Variants in SLC39A11 observed in about 807,000 individuals in gnomAD.
The protein encoded by SLC39A11 is zinc transporter ZIP11.
SLC39A11 carries 33 observed loss-of-function variants against 36.1 expected under a neutral mutation model. The ratio of observed to expected loss-of-function variants is 0.91; its 90% CI spans 0.69 to 1.22. SLC39A11 has a LOEUF of 1.22. Ranked by LOEUF, SLC39A11 falls within the 50% of genes most tolerant of loss-of-function variation. The probability of loss-of-function intolerance (pLI) is 0.00; values close to 1 mark genes in which losing one functional copy is unlikely to be tolerated. For synonymous variants in SLC39A11, 166 were observed against 170.3 expected, an observed-to-expected ratio of 0.97 and a Z score of 0.20; for missense variants, 432 against 430.3, an observed-to-expected ratio of 1.00 and a Z score of -0.03.
intron 5 of SLC39A11, among the ~76,000 whole-genome samples, chr17:72,864,188 G>T (rs988825796): frequency 6.6e-6 from 1 of 152,132 alleles, no homozygotes; most frequent in African/African-American, 2.4e-5. Context: ...ATTACCTGGA[G>T]ATTTAAAATG....
intron 4 of SLC39A11, among the ~76,000 whole-genome samples, chr17:72,984,362 T>C (rs912569834): frequency 2.1e-5 from 3 of 141,106 alleles, no homozygotes; most frequent in African/African-American, 7.8e-5. Flanking sequence ...TAAAGCTTTA[T>C]TGGAACTCAG....
chr17:72,780,639 G>A (rs993122242), intron 6 of SLC39A11, among the ~76,000 whole-genome samples: 2 of 151,806 alleles, frequency 1.3e-5, no homozygotes, highest in Non-Finnish European at 2.9e-5. Context: ...CTGCTCTTTC[G>A]CTTTGCTCTC....
intron 4 of SLC39A11, among the ~76,000 whole-genome samples, chr17:72,956,027 A>C (rs886073401): frequency 6.6e-6 from 1 of 151,990 alleles, no homozygotes; most frequent in African/African-American, 2.4e-5. Context: ...TTCCATCTCC[A>C]TCCTCCTTTC....
At chr17:72,732,557 T>C (rs548469216) in intron 7 of SLC39A11, among the ~76,000 whole-genome samples, 18 of 152,310 alleles carry the variant, frequency 1.2e-4, no homozygotes, top group African/African-American at 4.3e-4. Flanking sequence ...TCGGTTCGGG[T>C]CTGTCTGATG....
intron 7 of SLC39A11, among the ~76,000 whole-genome samples, chr17:72,651,327 C>T (rs1041155090): frequency 7.0e-6 from 1 of 143,610 alleles, no homozygotes; most frequent in African/African-American, 2.7e-5. Flanking sequence ...GTCAAGCCCA[C>T]CCCCCTCCCA....
chr17:73,023,608 G>A (rs908956237), intron 4 of SLC39A11, among the ~76,000 whole-genome samples: 1 of 152,190 alleles, frequency 6.6e-6, no homozygotes, highest in African/African-American at 2.4e-5. Flanking sequence ...TCCTGCCTCA[G>A]CCTCCCAAGT....
At chr17:72,757,034 C>T (rs1243129148) in intron 6 of SLC39A11, among the ~76,000 whole-genome samples, 1 of 150,370 alleles carries the variant, frequency 6.7e-6, no homozygotes, top group Non-Finnish European at 1.5e-5. Context: ...GGCGTGGTAG[C>T]GGGTGCCTGT....
chr17:72,786,675 T>C (rs1006612827), intron 6 of SLC39A11, among the ~76,000 whole-genome samples: 2 of 152,118 alleles, frequency 1.3e-5, no homozygotes, highest in African/African-American at 4.8e-5. Flanking sequence ...TTCTTGCTTC[T>C]GTATGGGCAG....
intron 5 of SLC39A11, among the ~76,000 whole-genome samples, chr17:72,912,123 A>G (rs1355297786): frequency 6.6e-6 from 1 of 152,180 alleles, no homozygotes; most frequent in Non-Finnish European, 1.5e-5. Flanking sequence ...GGAGGTTTGA[A>G]GAGAGCCAGA....
At chr17:72,786,577 C>T (rs1182611479) in intron 6 of SLC39A11, among the ~76,000 whole-genome samples, 2 of 152,062 alleles carry the variant, frequency 1.3e-5, no homozygotes, top group Non-Finnish European at 2.9e-5. Context: ...GCTGATGGAT[C>T]CCGGGGTGTT....
chr17:72,944,507 A>G (rs1328945081), intron 5 of SLC39A11, among the ~76,000 whole-genome samples: 1 of 151,636 alleles, frequency 6.6e-6, no homozygotes, highest in Non-Finnish European at 1.5e-5. Context: ...GTGATGAAAT[A>G]TAACTTATAG....
chr17:72,647,637 C>A lies in SLC39A11; in HGVS notation c.955G>T (p.Ala319Ser), dbSNP rs753018600. The part of the protein sequence containing the change: ...ISGNGKLASW[A>S]SILGFVVMMS... Reference sequence around the variant, plus strand: ...ATCACTACAAATCCCAGGATGGAGGCCCAGGATGCCAGTTTCCCATTACCA... The same window carrying A: ...ATCACTACAAATCCCAGGATGGAGGACCAGGATGCCAGTTTCCCATTACCA... Residue 319 changes from alanine (A) to serine (S), a missense_variant, in exon 10 of 10, where the codon GCC becomes TCC. By Grantham distance (99) the Ala-to-Ser change is moderately conservative (BLOSUM62 1). Coordinates refer to ENST00000255559, the MANE Select transcript of SLC39A11 (RefSeq NM_139177.4). 3.7e-6 allele frequency: 6 copies of A among 1,613,952 alleles called. No individual in the cohort carries two copies. The South Asian group carries it at 4.4e-5, about 12-fold the overall frequency.
chr17:73,026,201 G>GAAGAGAAGAGAAGAGAAGAGAA (rs2058540617), intron 4 of SLC39A11, among the ~76,000 whole-genome samples: 5 of 147,038 alleles, frequency 3.4e-5, no homozygotes, highest in Non-Finnish European at 7.5e-5. Context: ...GAAGAGAAGG[G>GAAGAGAAGAGAAGAGAAGAGAA]AAGAGAAGAG....
chr17:72,877,518 G>A (rs947384059), intron 5 of SLC39A11, among the ~76,000 whole-genome samples: 19 of 152,184 alleles, frequency 1.2e-4, no homozygotes, highest in Admixed American at 1.1e-3. Flanking sequence ...ATCAGTTCAC[G>A]ATGCTTGATT....
chr17:72,807,848 C>T (rs2077312327), intron 6 of SLC39A11, among the ~76,000 whole-genome samples: 1 of 152,124 alleles, frequency 6.6e-6, no homozygotes, highest in Non-Finnish European at 1.5e-5. Context: ...ACGAGGGGGT[C>T]GTGGGAACCC....
intron 6 of SLC39A11, among the ~76,000 whole-genome samples, chr17:72,820,531 A>G (rs2077736316): frequency 6.6e-6 from 1 of 151,102 alleles, no homozygotes. Context: ...CGGATCTATT[A>G]CATGGCACAT....
intron 7 of SLC39A11, chr17:72,664,113 A>C: frequency 6.3e-6 from 1 of 159,314 alleles, no homozygotes. Flanking sequence ...CTGGCAATCA[A>C]TGGAGTGACA....
chr17:73,070,279 A>C (rs1173835590), intron 3 of SLC39A11, among the ~76,000 whole-genome samples: 1 of 152,132 alleles, frequency 6.6e-6, no homozygotes, highest in East Asian at 1.9e-4. Flanking sequence ...CCCCCAACCC[A>C]GGCTGGTAAC....
At chr17:72,953,516 C>T (rs963496621) in intron 4 of SLC39A11, among the ~76,000 whole-genome samples, 3 of 152,102 alleles carry the variant, frequency 2.0e-5, no homozygotes, top group African/African-American at 7.2e-5. Flanking sequence ...CCTGCTGTCC[C>T]AGGCAGGAGG....
Sources: gnomAD v4.1 joint callset for allele counts (sites outside exome capture counted in the v4.1 genomes callset) on GRCh38, gnomAD v4.1.1 for gene constraint, MANE v1.5 for transcripts, NCBI Gene and HGNC (gene_info 2026-07-23, HGNC 2026-07-21) for gene names.